Variants in SLCO4A1 observed in about 807,000 individuals in gnomAD.
SLCO4A1 encodes the protein solute carrier organic anion transporter family member 4A1.
In SLCO4A1, 51 loss-of-function variants were observed where a neutral mutation model predicts 64.6. The ratio of observed to expected loss-of-function variants is 0.79; its 90% CI spans 0.63 to 1.00. The LOEUF is 1.00. SLCO4A1 is among the 50% of genes least tolerant of loss of function. The probability of loss-of-function intolerance (pLI) is 0.00; values close to 1 mark genes in which losing one functional copy is unlikely to be tolerated. For synonymous variants in SLCO4A1, 471 were observed against 444.9 expected (o/e 1.06, Z -0.74); for missense variants, 919 against 980.5 (o/e 0.94, Z 0.84).
At chr20:62,659,564 G>A (rs1163691311) in intron 3 of SLCO4A1, among the ~76,000 whole-genome samples, 1 of 152,186 alleles carries the variant, frequency 6.6e-6, no homozygotes, top group African/African-American at 2.4e-5. Flanking sequence ...CGTGTCCCGG[G>A]TCTGGATGCT....
chr20:62,661,291 T>C lies in SLCO4A1; in HGVS notation c.1121+116T>C, dbSNP rs993392162. 6.9e-6 allele frequency: 5 copies of C among 725,414 alleles called. No individual in the cohort carries two copies. The Admixed American group carries it at 8.6e-5, about 12-fold the overall frequency. 44.9% of individuals were successfully genotyped at this position (725,414 alleles called of 1,614,324 possible). A position where few individuals can be genotyped will look rare whatever the true frequency, so the allele number is the denominator to read the frequency against. ...TGATGGGGACGCAGCCCCTAACCTCTGTCGTGACCCTGGGCCAAGAGATTA... is the reference window on the plus strand; with the variant it reads ...TGATGGGGACGCAGCCCCTAACCTCCGTCGTGACCCTGGGCCAAGAGATTA... On this transcript the variant is annotated intron_variant, in intron 5 of 11. Transcript: ENST00000217159. The surrounding 1 kb of genome is among the most constrained non-coding windows in gnomAD (Gnocchi z 5.2).
chr20:62,652,610 G>C (rs1358124575), intron 1 of SLCO4A1, among the ~76,000 whole-genome samples: 1 of 152,236 alleles, frequency 6.6e-6, no homozygotes, highest in Non-Finnish European at 1.5e-5. Flanking sequence ...CTGCCCCTTG[G>C]GGAGGCGTGG....
intron 2 of SLCO4A1, among the ~76,000 whole-genome samples, chr20:62,657,980 TG>T (rs1984047657): frequency 6.6e-6 from 1 of 151,926 alleles, no homozygotes; most frequent in Non-Finnish European, 1.5e-5. Flanking sequence ...TTCCTGCTCC[TG>T]TTTGTTGAGA....
downstream of SLCO4A1, among the ~76,000 whole-genome samples, chr20:62,673,918 A>G (rs1418913675): frequency 6.6e-6 from 1 of 152,236 alleles, no homozygotes; most frequent in Non-Finnish European, 1.5e-5. Context: ...AGCCATAGCT[A>G]ACCAACACAC....
At position 62,661,024 on chromosome 20, in the gene SLCO4A1, C is replaced by CCCCCAGT. The variant is rs2147085560; in HGVS notation, c.1010-34_1010-33insTCCCCAG. The CCCCCAGT allele has an allele frequency of 7.9e-6, 4 of 503,468 alleles. No homozygotes were observed. Among genetic ancestry groups the CCCCCAGT allele is most frequent in the Non-Finnish European group, 1.2e-5 (3 of 249,186 alleles). The allele number at this position is 503,468 out of a possible 1,614,324, so 31.2% of individuals were successfully genotyped here. On this transcript the variant is annotated intron_variant, in intron 4 of 11. Transcript: ENST00000217159. The surrounding 1 kb of genome is among the most constrained non-coding windows in gnomAD (Gnocchi z 5.2). Reference sequence around the variant, plus strand: ...TCTCGGAGAAGTCCACCTCCGGGAGCCCCCAGCCCCCAGCCCCAGCTCACT... The same window carrying CCCCCAGT: ...TCTCGGAGAAGTCCACCTCCGGGAGCCCCCAGTCCCCAGCCCCCAGCCCCAGCTCACT...
chr20:62,642,923 G>C, intron 1 of SLCO4A1: 1 of 451,926 alleles, frequency 2.2e-6, no homozygotes, highest in South Asian at 1.6e-5. Context: ...ACCTGGGCAG[G>C]TGGCCCGGAG....
At chr20:62,680,664 G>A (rs938932324) in intron 2 of SLCO4A1, among the ~76,000 whole-genome samples, 1 of 151,944 alleles carries the variant, frequency 6.6e-6, no homozygotes, top group African/African-American at 2.4e-5. Context: ...CAGTGTTGAT[G>A]TGGTAGATTG....
rs144381587 is a variant in SLCO4A1, at chr20:62,661,021, G to GAGCCCCCAGCCCCCAGCCCCCAGCCCCC, written c.1010-23_1010-22insCAGCCCCCAGCCCCCAGCCCCCAGCCCC. On this transcript the variant is annotated intron_variant, in intron 4 of 11. Transcript: ENST00000217159. The surrounding 1 kb of genome is among the most constrained non-coding windows in gnomAD (Gnocchi z 5.2). ...CTCTCTCGGAGAAGTCCACCTCCGG[G>GAGCCCCCAGCCCCCAGCCCCCAGCCCCC]AGCCCCCAGCCCCCAGCCCCAGCTC... 2.2e-5 allele frequency: 12 copies of GAGCCCCCAGCCCCCAGCCCCCAGCCCCC among 546,466 alleles called. No individual in the cohort carries two copies. Among genetic ancestry groups the GAGCCCCCAGCCCCCAGCCCCCAGCCCCC allele is most frequent in the African/African-American group, 2.1e-4 (11 of 53,640 alleles). 33.9% of individuals were successfully genotyped at this position (546,466 alleles called of 1,614,324 possible). A position where few individuals can be genotyped will look rare whatever the true frequency, so the allele number is the denominator to read the frequency against.
Position 62,671,744 on chromosome 20 carries a change from C to T in SLCO4A1, c.2026-6C>T, listed in dbSNP as rs749783014. 8 of 1,612,078 alleles carry T rather than the reference C, an allele frequency of 5.0e-6. No homozygotes were observed. Among genetic ancestry groups the T allele is most frequent in the Non-Finnish European group, 6.8e-6 (8 of 1,179,004 alleles). On this transcript the variant is annotated splice_region_variant and splice_polypyrimidine_tract_variant and intron_variant, in intron 11 of 11. Coordinates refer to ENST00000217159, the MANE Select transcript of SLCO4A1 (RefSeq NM_016354.4). Reference sequence around the variant, plus strand: ...CACGAGGTCCAGCGGGCTCCTCTCTCCCCAGGTGCTGGGCGTCCTCTTCTT... The same window carrying T: ...CACGAGGTCCAGCGGGCTCCTCTCTTCCCAGGTGCTGGGCGTCCTCTTCTT...
At chr20:62,653,485 T>TC (rs1330563140) in intron 1 of SLCO4A1, among the ~76,000 whole-genome samples, 2 of 152,248 alleles carry the variant, frequency 1.3e-5, no homozygotes, top group Non-Finnish European at 2.9e-5. Context: ...CAATTTGTCA[T>TC]CCCCAAATGC....
intron 3 of SLCO4A1, among the ~76,000 whole-genome samples, chr20:62,659,604 C>T (rs986960210): frequency 6.6e-6 from 1 of 152,064 alleles, no homozygotes; most frequent in Non-Finnish European, 1.5e-5. Flanking sequence ...CTTCTGGCTC[C>T]GGGATCTGGG....
At chr20:62,672,398 A>G, downstream of SLCO4A1, 4 of 571,242 alleles carry the variant, frequency 7.0e-6, no homozygotes, top group South Asian at 7.2e-5. Flanking sequence ...CGTGGATATG[A>G]AAAGTTGGCC....
intron 1 of SLCO4A1, chr20:62,643,042 G>A (rs1384899245): frequency 2.1e-6 from 1 of 470,194 alleles, no homozygotes; most frequent in Non-Finnish European, 4.4e-6. Flanking sequence ...CCGAGTCAAG[G>A]AGGAAACCTT....
Position 62,685,552 on chromosome 20 carries a change from GACA to G in SLCO4A1, n.326_328del, listed in dbSNP as rs1600703708. 6.5e-6 allele frequency: 4 copies of G among 612,956 alleles called. No individual in the cohort carries two copies. Among genetic ancestry groups the G allele is most frequent in the East Asian group, 2.8e-4 (2 of 7,164 alleles). 38.0% of individuals were successfully genotyped at this position (612,956 alleles called of 1,614,324 possible). A position where few individuals can be genotyped will look rare whatever the true frequency, so the allele number is the denominator to read the frequency against. ...GATGGATGTGGAGTCTCGGCTTTCT[GACA>G]ACGTCTTCCAGAGCAGGCTTTCTCT... is the stretch of plus-strand genomic sequence containing the variant. On this transcript the variant is annotated non_coding_transcript_exon_variant, in exon 3 of 3. Transcript: ENST00000466818. This position sits in a 1 kb window ranked among gnomAD's most constrained non-coding sequence, Gnocchi z 4.6.
At chr20:62,681,641 C>T (rs1987839283) in intron 2 of SLCO4A1, among the ~76,000 whole-genome samples, 1 of 152,164 alleles carries the variant, frequency 6.6e-6, no homozygotes, top group South Asian at 2.1e-4. Context: ...CTCGAATATC[C>T]ATGTACGGGC....
Position 62,666,375 on chromosome 20 carries a change from C to T in SLCO4A1, c.1277-5C>T. The T allele has an allele frequency of 6.2e-7, 1 of 1,612,196 alleles. No individual in the cohort carries two copies. The highest frequency in any genetic ancestry group is 8.5e-7 in the Non-Finnish European group (1 of 1,179,526). ...GTCCCTGGCTGAATCCCTCCCTCTC[C>T]CCAGGGTACCTGGTGGTGCCAGCGG... On this transcript the variant is annotated splice_region_variant and splice_polypyrimidine_tract_variant and intron_variant, in intron 6 of 11. Transcript: ENST00000217159.
In SLCO4A1 at chr20:62,653,090, C is replaced by T. The variant is rs75443708; in HGVS notation, c.-96-3269C>T. On this transcript the variant is annotated intron_variant, in intron 1 of 11. Coordinates refer to ENST00000217159, the MANE Select transcript of SLCO4A1 (RefSeq NM_016354.4). ...CACAGCTGGTGCTCAGTGTGCACAG[C>T]GGGTGTTAGCACCCTGCCACCCAGC... 5.0e-4 allele frequency among the ~76,000 whole-genome samples: 76 copies of T among 152,356 alleles called. 1 individual carries two copies. In the East Asian group the frequency reaches 0.013, roughly 26 times the overall value.
At chr20:62,676,682 T>C (rs1987611408), downstream of SLCO4A1, among the ~76,000 whole-genome samples, 1 of 152,066 alleles carries the variant, frequency 6.6e-6, no homozygotes, top group Non-Finnish European at 1.5e-5. Flanking sequence ...ACACTATGGG[T>C]GGGAATGTAA....
chr20:62,668,807 T>G, intron 10 of SLCO4A1, 123 bp from the exon 11 acceptor site: 2 of 1,044,632 alleles, frequency 1.9e-6, no homozygotes, highest in Non-Finnish European at 2.7e-6. Flanking sequence ...TTGCACCCCC[T>G]GAGAACTCCA....
Sources: gnomAD v4.1 joint callset for allele counts (sites outside exome capture counted in the v4.1 genomes callset) on GRCh38, gnomAD v4.1.1 for gene constraint, Gnocchi (gnomAD v3.1) non-coding constraint, MANE v1.5 for transcripts, NCBI Gene and HGNC (gene_info 2026-07-23, HGNC 2026-07-21) for gene names.